Variants in WWOX observed in about 807,000 individuals in gnomAD.
WWOX encodes the protein WW domain-containing oxidoreductase.
WWOX carries 69 observed loss-of-function variants against 46.2 expected under a neutral mutation model. The observed-to-expected ratio is 1.49, with a 90% CI of 1.23 to 1.82. The LOEUF (loss-of-function observed/expected upper bound fraction) is 1.82, where lower values mean the gene tolerates loss of function less well. WWOX is among the 40% of genes most tolerant of loss of function. WWOX has a pLI of 0.00. For synonymous variants in WWOX, 359 were observed against 202.6 expected, an observed-to-expected ratio of 1.77 and a Z score of -6.56; for missense variants, 919 against 542.6, an observed-to-expected ratio of 1.69 and a Z score of -6.89.
intron 5 of WWOX, among the ~76,000 whole-genome samples, chr16:78,183,322 A>G (rs2035591938): frequency 6.6e-6 from 1 of 152,202 alleles, no homozygotes; most frequent in African/African-American, 2.4e-5. Flanking sequence ...GCTCAAGAAT[A>G]TTCGGGCAAG....
chr16:78,218,782 G>C (rs2036801630), intron 5 of WWOX, among the ~76,000 whole-genome samples: 1 of 152,240 alleles, frequency 6.6e-6, no homozygotes, highest in African/African-American at 2.4e-5. Flanking sequence ...AGCACGCTTC[G>C]GTGCGCATGT....
At chr16:78,553,708 G>C (rs2044225714) in intron 8 of WWOX, among the ~76,000 whole-genome samples, 1 of 152,056 alleles carries the variant, frequency 6.6e-6, no homozygotes, top group Non-Finnish European at 1.5e-5. Context: ...TCCCTAGAAG[G>C]TCTGTGAGGG....
chr16:79,048,098 A>G (rs886330995), intron 8 of WWOX, among the ~76,000 whole-genome samples: 14 of 152,170 alleles, frequency 9.2e-5, no homozygotes, highest in African/African-American at 2.2e-4. Context: ...ATACAGGGCA[A>G]TGGGCCTCAG....
At chr16:79,035,411 G>C (rs1392389599) in intron 8 of WWOX, among the ~76,000 whole-genome samples, 4 of 151,708 alleles carry the variant, frequency 2.6e-5, no homozygotes, top group South Asian at 2.1e-4. Context: ...GTGAACTAAA[G>C]TTGGTGCTGT....
rs575218058 is a variant in WWOX at position 78,550,832 on chromosome 16, T to A, written c.1056+118080T>A. On this transcript the variant is annotated intron_variant, in intron 8 of 8. Transcript: ENST00000566780. ...GAATGAAGAATTGGAATATAAAGGCTGAGGGCGGACCTAATTTTTTTTTTA... is the reference window on the plus strand; with the variant it reads ...GAATGAAGAATTGGAATATAAAGGCAGAGGGCGGACCTAATTTTTTTTTTA... 7.2e-4 allele frequency: 109 copies of A among 152,066 alleles called. 1 individual carries two copies. Among genetic ancestry groups the A allele is most frequent in the African/African-American group, 2.5e-3 (103 of 41,484 alleles). 9.4% of individuals were successfully genotyped at this position (152,066 alleles called of 1,614,324 possible). A position where few individuals can be genotyped will look rare whatever the true frequency, so the allele number is the denominator to read the frequency against.
chr16:79,207,760 A>G (rs1567619694), intron 8 of WWOX, among the ~76,000 whole-genome samples: 1 of 151,226 alleles, frequency 6.6e-6, no homozygotes, highest in Non-Finnish European at 1.5e-5. Flanking sequence ...GTACTAACCA[A>G]TGCATTACAA....
intron 5 of WWOX, among the ~76,000 whole-genome samples, chr16:78,336,347 AC>A (rs1291513027): frequency 3.4e-4 from 42 of 124,088 alleles, no homozygotes; most frequent in Middle Eastern, 4.1e-3. Context: ...AAAAAAAAAA[AC>A]CACAACAAAT....
chr16:78,656,917 A>G (rs997693405), intron 8 of WWOX, among the ~76,000 whole-genome samples: 10 of 152,278 alleles, frequency 6.6e-5, no homozygotes, highest in Admixed American at 1.3e-4. Flanking sequence ...AAGGCTGTCG[A>G]TACACCGCTG....
chr16:78,229,289 A>T (rs1201817762), intron 5 of WWOX, among the ~76,000 whole-genome samples: 3 of 151,218 alleles, frequency 2.0e-5, no homozygotes, highest in Non-Finnish European at 4.4e-5. Context: ...TAAAAAGAAT[A>T]AAAAGAGCCA....
At chr16:79,103,401 G>A (rs917173490) in intron 8 of WWOX, among the ~76,000 whole-genome samples, 13 of 152,180 alleles carry the variant, frequency 8.5e-5, no homozygotes, top group Non-Finnish European at 1.5e-4. Context: ...CAAAGCAAAC[G>A]CATTAGTGGG....
intron 8 of WWOX, among the ~76,000 whole-genome samples, chr16:78,463,669 T>G (rs1011448721): frequency 2.6e-5 from 4 of 152,222 alleles, no homozygotes; most frequent in African/African-American, 9.6e-5. Flanking sequence ...ATTCTGTGAC[T>G]GTTAGAATCT....
In WWOX at chr16:78,457,436, G is replaced by C. The variant is rs16947563; in HGVS notation, c.1056+24684G>C. ...GCTTCGTGTCTTCCACGTACGTCCTGAGAAAGCGAAGGTGAATTTCACCAA... is the reference window on the plus strand; with the variant it reads ...GCTTCGTGTCTTCCACGTACGTCCTCAGAAAGCGAAGGTGAATTTCACCAA... On this transcript the variant is annotated intron_variant, in intron 8 of 8. Coordinates refer to ENST00000566780, the MANE Select transcript of WWOX (RefSeq NM_016373.4). Among the ~76,000 whole-genome samples the C allele has an allele frequency of 9.0e-3, 1,376 of 152,286 alleles. 28 individuals are homozygous for C. Among genetic ancestry groups the C allele is most frequent in the African/African-American group, 0.031 (1,289 of 41,570 alleles).
intron 8 of WWOX, among the ~76,000 whole-genome samples, chr16:78,785,569 T>G (rs1449783788): frequency 2.0e-5 from 3 of 152,234 alleles, no homozygotes; most frequent in Admixed American, 1.3e-4. Context: ...AGAAGAAGAA[T>G]AGTATACACA....
intron 8 of WWOX, among the ~76,000 whole-genome samples, chr16:78,964,962 G>C (rs1303840551): frequency 6.6e-6 from 1 of 152,250 alleles, no homozygotes; most frequent in African/African-American, 2.4e-5. Context: ...TGGGGGCACA[G>C]AAGTCAAGAA....
At chr16:78,855,059 A>C (rs1286718662) in intron 8 of WWOX, among the ~76,000 whole-genome samples, 2 of 152,184 alleles carry the variant, frequency 1.3e-5, no homozygotes, top group East Asian at 3.8e-4. Flanking sequence ...TTGACAGTCT[A>C]CCTAGAAAGA....
chr16:78,901,381 G>T (rs1365097935), intron 8 of WWOX, among the ~76,000 whole-genome samples: 1 of 152,130 alleles, frequency 6.6e-6, no homozygotes, highest in Non-Finnish European at 1.5e-5. Context: ...TGGAATTTTG[G>T]CTTTAATTCT....
At chr16:79,128,821 A>G (rs2049815357) in intron 8 of WWOX, among the ~76,000 whole-genome samples, 1 of 152,174 alleles carries the variant, frequency 6.6e-6, no homozygotes, top group South Asian at 2.1e-4. Flanking sequence ...TTTTGTTCAC[A>G]ATGGGACTAG....
chr16:78,634,739 G>T (rs1179780052), intron 8 of WWOX, among the ~76,000 whole-genome samples: 2 of 150,578 alleles, frequency 1.3e-5, no homozygotes, highest in Non-Finnish European at 2.9e-5. Context: ...TAAATCAGTG[G>T]ATTCTGCCGA....
chr16:78,838,826 G>C (rs773143081), intron 8 of WWOX, among the ~76,000 whole-genome samples: 7 of 152,182 alleles, frequency 4.6e-5, no homozygotes, highest in Non-Finnish European at 8.8e-5. Flanking sequence ...CTGGGCAACA[G>C]AGTGGTACTC....
Sources: gnomAD v4.1 joint callset for allele counts (sites outside exome capture counted in the v4.1 genomes callset) on GRCh38, gnomAD v4.1.1 for gene constraint, MANE v1.5 for transcripts, NCBI Gene and HGNC (gene_info 2026-07-23, HGNC 2026-07-21) for gene names.